The following NELL1 variants were observed in gnomAD, a reference collection of about 807,000 sequenced individuals.
NELL1 encodes neural EGFL like 1.
Under a neutral mutation model 107.4 loss-of-function variants are expected in NELL1, and 76 were observed. That is an observed-to-expected ratio of 0.71 (90% confidence interval 0.59 to 0.86). The LOEUF (loss-of-function observed/expected upper bound fraction) is 0.86, where lower values mean the gene tolerates loss of function less well. Among genes scored for constraint, NELL1 ranks in the 40% least tolerant of loss-of-function variants. NELL1 has a pLI of 0.00. For missense variants in NELL1, 1,024 were observed against 1,005.5 expected (o/e 1.02, Z -0.25); for synonymous variants, 353 against 341.2 (o/e 1.03, Z -0.38).
intron 15 of NELL1, among the ~76,000 whole-genome samples, chr11:21,518,921 A>C (rs1855641508): frequency 6.6e-6 from 1 of 152,210 alleles, no homozygotes; most frequent in Non-Finnish European, 1.5e-5. Context: ...ATTGTGACTT[A>C]ATAATAAAGT....
intron 15 of NELL1, among the ~76,000 whole-genome samples, chr11:21,481,217 C>G (rs1385436973): frequency 6.6e-6 from 1 of 152,114 alleles, no homozygotes; most frequent in Non-Finnish European, 1.5e-5. Context: ...AAAGTCTCTC[C>G]CGATTCAAAG....
intron 13 of NELL1, among the ~76,000 whole-genome samples, chr11:21,195,399 A>G (rs971034121): frequency 6.6e-6 from 1 of 152,128 alleles, no homozygotes; most frequent in African/African-American, 2.4e-5. Context: ...CTGACTTTCA[A>G]GATAAACCCC....
At chr11:21,526,539 A>G (rs917493006) in intron 15 of NELL1, among the ~76,000 whole-genome samples, 9 of 152,088 alleles carry the variant, frequency 5.9e-5, no homozygotes, top group African/African-American at 2.2e-4. Flanking sequence ...TTCCTTTTTT[A>G]CTGCCCTAGC....
At chr11:21,290,410 A>AATAG (rs1484440235) in intron 14 of NELL1, among the ~76,000 whole-genome samples, 2 of 150,678 alleles carry the variant, frequency 1.3e-5, no homozygotes, top group Admixed American at 6.6e-5. Flanking sequence ...TAAATAAATA[A>AATAG]ATAAATAAAT....
At chr11:20,895,569 G>C (rs1266779455) in intron 5 of NELL1, among the ~76,000 whole-genome samples, 1 of 144,226 alleles carries the variant, frequency 6.9e-6, no homozygotes, top group Admixed American at 7.2e-5. Context: ...GCAGTGGCGC[G>C]ATCTTGGCTC....
chr11:21,183,593 G>C (rs1024844329), intron 13 of NELL1, among the ~76,000 whole-genome samples: 4 of 151,802 alleles, frequency 2.6e-5, no homozygotes, highest in Non-Finnish European at 4.4e-5. Flanking sequence ...GCATCGATCT[G>C]TTTGATAGCA....
At chr11:20,778,222 C>T (rs1856785358) in intron 2 of NELL1, among the ~76,000 whole-genome samples, 1 of 152,166 alleles carries the variant, frequency 6.6e-6, no homozygotes, top group African/African-American at 2.4e-5. Flanking sequence ...GTGCACTGCC[C>T]TATTCTGCAA....
At chr11:20,891,037 C>G (rs1849606736) in intron 5 of NELL1, among the ~76,000 whole-genome samples, 1 of 152,106 alleles carries the variant, frequency 6.6e-6, no homozygotes, top group South Asian at 2.1e-4. Flanking sequence ...ACGAGAAGAT[C>G]AACCCCAAGA....
At chr11:21,566,210 A>G (rs936136198) in intron 17 of NELL1, among the ~76,000 whole-genome samples, 4 of 151,906 alleles carry the variant, frequency 2.6e-5, no homozygotes, top group African/African-American at 9.7e-5. Context: ...TTTCCAACCC[A>G]AAGTTTATAT....
chr11:20,820,234 G>A (rs1363672707), intron 3 of NELL1, among the ~76,000 whole-genome samples: 4 of 152,186 alleles, frequency 2.6e-5, no homozygotes, highest in Non-Finnish European at 4.4e-5. Flanking sequence ...GGTATATACA[G>A]AATGTATGAG....
chr11:21,278,048 T>TA (rs36110638), intron 14 of NELL1, among the ~76,000 whole-genome samples: 6 of 151,364 alleles, frequency 4.0e-5, no homozygotes, highest in Admixed American at 2.0e-4. Context: ...TGAAGTATAA[T>TA]AAAAAAAAAA....
At chr11:21,185,006 G>A (rs1018845288) in intron 13 of NELL1, among the ~76,000 whole-genome samples, 9 of 151,722 alleles carry the variant, frequency 5.9e-5, no homozygotes, top group Non-Finnish European at 7.4e-5. Flanking sequence ...CATAAGAATT[G>A]CCCTTCCTTG....
intron 12 of NELL1, among the ~76,000 whole-genome samples, chr11:21,100,929 G>GC (rs1441773932): frequency 6.6e-6 from 1 of 151,884 alleles, no homozygotes; most frequent in Non-Finnish European, 1.5e-5. Flanking sequence ...ATGTTGGTGT[G>GC]CTGCACCCAG....
At position 20,919,245 on chromosome 11, in the gene NELL1, T is replaced by C. The variant is rs372553128; in HGVS notation, c.677-7T>C. 1.2e-4 allele frequency: 190 copies of C among 1,552,376 alleles called. No homozygotes were observed. The African/African-American group carries it at 2.3e-3, about 19-fold the overall frequency. The stretch of plus-strand genomic sequence containing the variant: ...AAATATATATGTTTTATATTTTCTT[T>C]ATTGAGCTTGCCCAACCTGCAGTGA... On this transcript the variant is annotated splice_polypyrimidine_tract_variant and splice_region_variant and intron_variant, in intron 6 of 19. Coordinates refer to ENST00000357134, the MANE Select transcript of NELL1 (RefSeq NM_006157.5).
At chr11:21,008,477 T>C (rs1305771578) in intron 12 of NELL1, among the ~76,000 whole-genome samples, 3 of 152,186 alleles carry the variant, frequency 2.0e-5, no homozygotes, top group Non-Finnish European at 4.4e-5. Flanking sequence ...ATATGGGATC[T>C]AGTCAGACTG....
At chr11:20,897,678 G>A (rs1469715609) in intron 5 of NELL1, among the ~76,000 whole-genome samples, 3 of 151,878 alleles carry the variant, frequency 2.0e-5, no homozygotes, top group East Asian at 3.9e-4. Context: ...TCTGACAAAG[G>A]GCTAATATCC....
At chr11:21,439,677 G>A (rs1380811110) in intron 15 of NELL1, among the ~76,000 whole-genome samples, 1 of 152,142 alleles carries the variant, frequency 6.6e-6, no homozygotes, top group Non-Finnish European at 1.5e-5. Flanking sequence ...ATACAGCCAA[G>A]TCAATGAGCA....
At chr11:20,981,258 T>G (rs1851743887) in intron 12 of NELL1, among the ~76,000 whole-genome samples, 1 of 152,178 alleles carries the variant, frequency 6.6e-6, no homozygotes, top group Admixed American at 6.5e-5. Context: ...ATTTATCAAA[T>G]TCTTAATTTT....
chr11:21,398,227 G>A (rs1460502181), intron 15 of NELL1, among the ~76,000 whole-genome samples: 1 of 151,654 alleles, frequency 6.6e-6, no homozygotes, highest in East Asian at 2.0e-4. Flanking sequence ...ATGCCCATAG[G>A]TGGCTTTATA....
Sources: gnomAD v4.1 joint callset for allele counts (sites outside exome capture counted in the v4.1 genomes callset) on GRCh38, gnomAD v4.1.1 for gene constraint, MANE v1.5 for transcripts, NCBI Gene and HGNC (gene_info 2026-07-23, HGNC 2026-07-21) for gene names.